The following CLCN6 variants were observed in gnomAD, a reference collection of about 807,000 sequenced individuals.
CLCN6 encodes the protein H(+)/Cl(-) exchange transporter 6.
CLCN6 carries 70 observed loss-of-function variants against 109.8 expected under a neutral mutation model. The ratio of observed to expected loss-of-function variants is 0.64; its 90% confidence interval spans 0.53 to 0.78. The LOEUF (loss-of-function observed/expected upper bound fraction) is 0.78, where lower values mean the gene tolerates loss of function less well. Among genes scored for constraint, CLCN6 ranks in the 30% least tolerant of loss-of-function variants. The pLI, the probability that CLCN6 is intolerant of heterozygous loss-of-function variation, is 0.00. For synonymous variants in CLCN6, 444 were observed against 447.8 expected, an observed-to-expected ratio of 0.99 and a Z score of 0.11; for missense variants, 984 against 1,142.3, an observed-to-expected ratio of 0.86 and a Z score of 2.00.
At chr1:11,830,767 A>ACC (rs1644871934) in intron 13 of CLCN6, among the ~76,000 whole-genome samples, 1 of 139,210 alleles carries the variant, frequency 7.2e-6, no homozygotes, top group Non-Finnish European at 1.5e-5. Context: ...ATATATATAC[A>ACC]CACACACACT....
At position 11,824,528 on chromosome 1, in the gene CLCN6, C is replaced by A. The variant is rs750697542; in HGVS notation, c.623C>A (p.Ser208Ter). ...GAAGGCCCCATGATCCACAGTGGTT[C>A]GGTGGTGGGAGCTGGCCTCCCTCAG... ...EKEGPMIHSGSVVGAGLPQFQ... is the reference protein window; with the variant it reads ...EKEGPMIHSG Residue 208 changes from serine (S) to a stop codon, truncating the protein, a stop_gained, in exon 8 of 23, where the codon TCG becomes TAG. Transcript: ENST00000346436. LOFTEE classifies it high-confidence loss of function. 6.2e-7 allele frequency: 1 copy of A among 1,613,538 alleles called. No individual in the cohort carries two copies. Among genetic ancestry groups the A allele is most frequent in the Non-Finnish European group, 8.5e-7 (1 of 1,179,706 alleles).
chr1:11,824,888 T>C (rs1557426838), intron 8 of CLCN6, among the ~76,000 whole-genome samples: 2 of 152,268 alleles, frequency 1.3e-5, no homozygotes, highest in East Asian at 3.9e-4. Flanking sequence ...TCCAAGAGGC[T>C]CGAAGCATCG....
Position 11,842,590 on chromosome 1 carries a change from A to G in CLCN6, c.*2367A>G, listed in dbSNP as rs1318806879. On this transcript the variant is annotated 3_prime_UTR_variant, in exon 23 of 23. Transcript: ENST00000346436. ...CAGTGATCAGTCGCCTCAGTAAAGC[A>G]GATCTGTGGATGGGGAGCCTACGGG... is the stretch of plus-strand genomic sequence containing the variant. 1 of 152,758 alleles carries G rather than the reference A, an allele frequency of 6.5e-6. No individual in the cohort carries two copies. The highest frequency in any genetic ancestry group is 1.5e-5 in the Non-Finnish European group (1 of 68,090). The allele number at this position is 152,758 out of a possible 1,614,324, so 9.5% of individuals were successfully genotyped here.
chr1:11,820,280 C>T, intron 5 of CLCN6: 1 of 680,546 alleles, frequency 1.5e-6, no homozygotes. Flanking sequence ...ATAGCAAGAC[C>T]CTGTCTTAAA....
intron 3 of CLCN6, among the ~76,000 whole-genome samples, chr1:11,816,334 G>A (rs1193286738): frequency 2.0e-5 from 3 of 152,160 alleles, no homozygotes; most frequent in African/African-American, 7.2e-5. Context: ...TATTGTGGTG[G>A]TCTAGAACCA....
chr1:11,818,408 A>G (rs376060188), intron 4 of CLCN6, among the ~76,000 whole-genome samples: 12 of 151,910 alleles, frequency 7.9e-5, no homozygotes, highest in Non-Finnish European at 1.6e-4. Flanking sequence ...TTTAATCAGT[A>G]TAATGTAGAT....
intron 10 of CLCN6, among the ~76,000 whole-genome samples, chr1:11,827,735 C>G (rs544329411): frequency 2.0e-5 from 3 of 152,314 alleles, no homozygotes; most frequent in Admixed American, 2.0e-4. Flanking sequence ...AACCACCTGA[C>G]ATGAAAATGT....
At chr1:11,831,759 T>C (rs1401186243) in intron 13 of CLCN6, among the ~76,000 whole-genome samples, 1 of 151,738 alleles carries the variant, frequency 6.6e-6, no homozygotes, top group African/African-American at 2.4e-5. Flanking sequence ...TCATAGCTTA[T>C]TGTAACCTCA....
Position 11,842,542 on chromosome 1 carries a change from C to T in CLCN6, c.*2319C>T, listed in dbSNP as rs1645037978. The T allele has an allele frequency of 6.5e-6, 1 of 152,752 alleles. No homozygotes were observed. Among genetic ancestry groups the T allele is most frequent in the South Asian group, 2.1e-4 (1 of 4,840 alleles). The allele number at this position is 152,752 out of a possible 1,614,324, so 9.5% of individuals were successfully genotyped here. On this transcript the variant is annotated 3_prime_UTR_variant, in exon 23 of 23. Transcript: ENST00000346436. ...TTAGAAACCAGCCTTTTCAGCATCT[C>T]ACCCATTAGCAGCCCCATCACCCAG...
In CLCN6 at chr1:11,834,265, G is replaced by A. The variant is rs765980757; in HGVS notation, c.1556G>A (p.Gly519Glu). 3 of 1,613,864 alleles carry A rather than the reference G, an allele frequency of 1.9e-6. No homozygotes were observed. The highest frequency in any genetic ancestry group is 4.5e-5 in the East Asian group (2 of 44,876). ...ATTGGATTGGGCCACATCTATTCGGGGACCTTTGCCCTGATTGGTGCAGCG... is the reference window on the plus strand; with the variant it reads ...ATTGGATTGGGCCACATCTATTCGGAGACCTTTGCCCTGATTGGTGCAGCG... ...SYIGLGHIYSGTFALIGAAAF... is the reference protein window; with the variant it reads ...SYIGLGHIYSETFALIGAAAF... The change falls in exon 16 of 23, where the codon GGG (glycine) becomes GAG (glutamate). Residue 519 changes from glycine (G) to glutamate (E), a missense_variant. Physicochemically the swap from Gly to Glu is moderately conservative, Grantham distance 98. Coordinates refer to ENST00000346436, the MANE Select transcript of CLCN6 (RefSeq NM_001286.5). The surrounding 1 kb of genome is among the most constrained non-coding windows in gnomAD (Gnocchi z 4.5).
intron 5 of CLCN6, among the ~76,000 whole-genome samples, chr1:11,820,960 C>A (rs1442333748): frequency 2.0e-5 from 3 of 151,714 alleles, no homozygotes; most frequent in African/African-American, 4.8e-5. Flanking sequence ...CCTGTAATCC[C>A]AGCTACTTGG....
intron 17 of CLCN6, among the ~76,000 whole-genome samples, 184 bp from the exon 18 acceptor site, chr1:11,835,783 G>A (rs1179390814): frequency 6.6e-6 from 1 of 152,186 alleles, no homozygotes; most frequent in Non-Finnish European, 1.5e-5. Flanking sequence ...CCAGGTGCGG[G>A]AACAGCATGT....
At chr1:11,825,473 G>C (rs1425359893) in intron 8 of CLCN6, among the ~76,000 whole-genome samples, 1 of 152,184 alleles carries the variant, frequency 6.6e-6, no homozygotes, top group Non-Finnish European at 1.5e-5. Context: ...CAGCTTCCGC[G>C]TCCCCTTCCC....
At chr1:11,837,841 C>T (rs1186947792) in intron 20 of CLCN6, among the ~76,000 whole-genome samples, 3 of 152,114 alleles carry the variant, frequency 2.0e-5, no homozygotes, top group Admixed American at 1.3e-4. Flanking sequence ...TGTCATCACA[C>T]GGCGTTCTCC....
rs374327622 is a variant in CLCN6 at position 11,840,343 on chromosome 1, A to T, written c.*120A>T. 9.3e-5 allele frequency: 84 copies of T among 903,836 alleles called. 1 individual carries two copies. Among genetic ancestry groups the T allele is most frequent in the African/African-American group, 9.1e-4 (56 of 61,712 alleles). The allele number at this position is 903,836 out of a possible 1,614,324, so 56.0% of individuals were successfully genotyped here. A position where few individuals can be genotyped will look rare whatever the true frequency, so the allele number is the denominator to read the frequency against. On this transcript the variant is annotated 3_prime_UTR_variant, in exon 23 of 23. Transcript: ENST00000346436. ...GATTCCCAGTCACCCACTCACTCAGAAAGCCGGGAGTCATCGGACACCTTG... is the reference window on the plus strand; with the variant it reads ...GATTCCCAGTCACCCACTCACTCAGTAAGCCGGGAGTCATCGGACACCTTG...
intron 13 of CLCN6, among the ~76,000 whole-genome samples, chr1:11,833,059 G>A (rs748320459): frequency 6.6e-6 from 1 of 151,616 alleles, no homozygotes; most frequent in Non-Finnish European, 1.5e-5. Context: ...AAAATCAAAG[G>A]CTTTTTCTAT....
chr1:11,808,237 G>A (rs1183591612), intron 2 of CLCN6, among the ~76,000 whole-genome samples: 1 of 118,228 alleles, frequency 8.5e-6, no homozygotes, highest in Non-Finnish European at 1.8e-5. Flanking sequence ...TTGTGTGTGT[G>A]TGTGTGTGTG....
intron 12 of CLCN6, 108 bp from the exon 13 acceptor site, chr1:11,829,088 A>G: frequency 1.5e-6 from 2 of 1,297,036 alleles, no homozygotes; most frequent in Non-Finnish European, 2.2e-6. Flanking sequence ...GGCTGCTGTG[A>G]ATGCTGTTTG....
chr1:11,827,652 C>T (rs1240900196), intron 10 of CLCN6, among the ~76,000 whole-genome samples: 3 of 123,012 alleles, frequency 2.4e-5, no homozygotes, highest in Non-Finnish European at 1.8e-5. Context: ...GTGATCCACC[C>T]GCCTTGGCTT....
Sources: gnomAD v4.1 joint callset for allele counts (sites outside exome capture counted in the v4.1 genomes callset) on GRCh38, gnomAD v4.1.1 for gene constraint, Gnocchi (gnomAD v3.1) non-coding constraint, MANE v1.5 for transcripts, NCBI Gene and HGNC (gene_info 2026-07-23, HGNC 2026-07-21) for gene names.